The following BAIAP2 variants were observed in gnomAD, a reference collection of about 807,000 sequenced individuals.
BAIAP2 encodes the protein BAR/IMD domain containing adaptor protein 2.
BAIAP2 carries 18 observed loss-of-function variants against 63.0 expected under a neutral mutation model. The ratio of observed to expected loss-of-function variants is 0.29; its 90% CI spans 0.20 to 0.42. The LOEUF (loss-of-function observed/expected upper bound fraction) is 0.42, where lower values mean the gene tolerates loss of function less well. BAIAP2 is among the 10% of genes least tolerant of loss of function. The pLI, the probability that BAIAP2 is intolerant of heterozygous loss-of-function variation, is 1.00. For missense variants in BAIAP2, 610 were observed against 734.3 expected (o/e 0.83, Z 1.96); for synonymous variants, 386 against 307.6 (o/e 1.25, Z -2.67).
intron 1 of BAIAP2, among the ~76,000 whole-genome samples, chr17:81,040,271 G>A (rs1207314607): frequency 2.0e-5 from 3 of 152,220 alleles, no homozygotes; most frequent in Admixed American, 1.3e-4. Context: ...CACAGAGCCC[G>A]TGGTCCCCTG....
At chr17:81,076,857 GCTC>G (rs1465142000) in intron 3 of BAIAP2, among the ~76,000 whole-genome samples, 2 of 152,176 alleles carry the variant, frequency 1.3e-5, no homozygotes, top group Admixed American at 1.3e-4. Flanking sequence ...TGTAGTCCCA[GCTC>G]CTCGAGAGGC....
chr17:81,100,092 G>T lies in BAIAP2; in HGVS notation c.642+12G>T, dbSNP rs1294532662. 1.2e-6 allele frequency: 2 copies of T among 1,606,418 alleles called. No homozygotes were observed. The highest frequency in any genetic ancestry group is 2.2e-5 in the East Asian group (1 of 44,738). Reference sequence around the variant, plus strand: ...CCTACCACTCCAAGGTGAGGCGGCTGGGGGCTGCGCTGTGCCGGCGCTGGG... The same window carrying T: ...CCTACCACTCCAAGGTGAGGCGGCTTGGGGCTGCGCTGTGCCGGCGCTGGG... On this transcript the variant is annotated intron_variant, in intron 7 of 13. Coordinates refer to ENST00000428708, the MANE Select transcript of BAIAP2 (RefSeq NM_001144888.2).
At chr17:81,086,687 C>A in intron 6 of BAIAP2, 107 bp downstream of exon 6, 1 of 1,284,360 alleles carries the variant, frequency 7.8e-7, no homozygotes, top group Non-Finnish European at 1.1e-6. Context: ...CAGGTGCGAT[C>A]AGACAGAGGC....
intron 6 of BAIAP2, among the ~76,000 whole-genome samples, chr17:81,091,312 C>T (rs78015439): frequency 0.014 from 2,139 of 151,902 alleles, 52 homozygotes; most frequent in African/African-American, 0.048. Context: ...GGGAAAGGGC[C>T]TGCTGGAAGT....
At chr17:81,101,675 C>CT (rs888031364) in intron 7 of BAIAP2, among the ~76,000 whole-genome samples, 1 of 152,238 alleles carries the variant, frequency 6.6e-6, no homozygotes, top group African/African-American at 2.4e-5. Context: ...ACCAGTGCTC[C>CT]AGTCCCCACA....
chr17:81,052,355 T>C (rs1482692136), intron 1 of BAIAP2, among the ~76,000 whole-genome samples: 1 of 152,252 alleles, frequency 6.6e-6, no homozygotes, highest in East Asian at 1.9e-4. Flanking sequence ...GCTGGGTCGA[T>C]GCTGCATCCC....
intron 8 of BAIAP2, 34 bp from the exon 9 acceptor site, chr17:81,103,873 C>G (rs752098024): frequency 6.2e-7 from 1 of 1,609,748 alleles, no homozygotes; most frequent in Non-Finnish European, 8.5e-7. Context: ...GGGGTGGGCT[C>G]CAGCAACAGC....
chr17:81,059,838 G>T (rs543449065), intron 3 of BAIAP2, among the ~76,000 whole-genome samples: 345 of 152,274 alleles, frequency 2.3e-3, no homozygotes, highest in African/African-American at 7.5e-3. Context: ...TCGCATGAGG[G>T]TCTGCCCGTG....
At chr17:81,107,747 T>C (rs761446389) in intron 12 of BAIAP2, 1 of 152,210 alleles carries the variant, frequency 6.6e-6, no homozygotes, top group Non-Finnish European at 1.5e-5. Flanking sequence ...GTAGCCTGGG[T>C]GACTACTCAG....
intron 6 of BAIAP2, chr17:81,086,824 G>A (rs1192399788): frequency 1.2e-5 from 6 of 501,392 alleles, no homozygotes; most frequent in Non-Finnish European, 2.2e-5. Context: ...AAAGGTTCTT[G>A]GCTGAAGGAG....
At chr17:81,068,514 G>T (rs1181347568) in intron 3 of BAIAP2, among the ~76,000 whole-genome samples, 1 of 152,200 alleles carries the variant, frequency 6.6e-6, no homozygotes, top group East Asian at 1.9e-4. Context: ...GCCCAAACCA[G>T]AAGCCGCTCC....
rs550629012 is a variant in BAIAP2, at chr17:81,102,421, C to T, written c.643-1081C>T. 1.7e-4 allele frequency among the ~76,000 whole-genome samples: 26 copies of T among 152,258 alleles called. No individual in the cohort carries two copies. The South Asian group carries it at 3.3e-3, about 19-fold the overall frequency. The stretch of plus-strand genomic sequence containing the variant: ...CTGATCTCAGCCAGGGCTCGGCAGA[C>T]GTTCTGAAGGGCCACAAAGTTTGTG... On this transcript the variant is annotated intron_variant, in intron 7 of 13. Coordinates refer to ENST00000428708, the MANE Select transcript of BAIAP2 (RefSeq NM_001144888.2).
intron 3 of BAIAP2, among the ~76,000 whole-genome samples, chr17:81,072,207 C>A (rs2052806004): frequency 6.6e-6 from 1 of 152,242 alleles, no homozygotes; most frequent in African/African-American, 2.4e-5. Flanking sequence ...CTCCCTTTTC[C>A]CAGATGGCTG....
At chr17:81,069,783 CGGT>C (rs1005322271) in intron 3 of BAIAP2, among the ~76,000 whole-genome samples, 6 of 152,192 alleles carry the variant, frequency 3.9e-5, no homozygotes, top group African/African-American at 1.4e-4. Context: ...CAGCCTTCCT[CGGT>C]GGACACCTCT....
chr17:81,079,515 G>A (rs1242935107), intron 3 of BAIAP2, among the ~76,000 whole-genome samples: 2 of 152,040 alleles, frequency 1.3e-5, no homozygotes, highest in African/African-American at 2.4e-5. Context: ...CTAGCCCTCC[G>A]ATGCTCCTCC....
intron 6 of BAIAP2, among the ~76,000 whole-genome samples, chr17:81,087,276 G>A (rs1199329388): frequency 6.6e-6 from 1 of 152,244 alleles, no homozygotes. Context: ...ACCCTGGGGT[G>A]GGCAAGGTGT....
At chr17:81,075,285 C>T (rs1278988836) in intron 3 of BAIAP2, among the ~76,000 whole-genome samples, 2 of 152,244 alleles carry the variant, frequency 1.3e-5, no homozygotes, top group Non-Finnish European at 2.9e-5. Context: ...TCTTCCGGGA[C>T]CATCCTCACC....
chr17:81,114,493 C>G (rs2060289663), intron 13 of BAIAP2, among the ~76,000 whole-genome samples: 1 of 152,180 alleles, frequency 6.6e-6, no homozygotes, highest in Non-Finnish European at 1.5e-5. Flanking sequence ...CTGAAAAAAG[C>G]CGGGGATCCA....
intron 8 of BAIAP2, 22 bp from the exon 9 acceptor site, chr17:81,103,885 T>C: frequency 6.2e-7 from 1 of 1,612,000 alleles, no homozygotes; most frequent in Non-Finnish European, 8.5e-7. Context: ...AGCAACAGCC[T>C]GCTCTGCCTG....
Sources: gnomAD v4.1 joint callset for allele counts (sites outside exome capture counted in the v4.1 genomes callset) on GRCh38, gnomAD v4.1.1 for gene constraint, MANE v1.5 for transcripts, NCBI Gene and HGNC (gene_info 2026-07-23, HGNC 2026-07-21) for gene names.